DPH6: variants seen among roughly 807,000 people sequenced by gnomAD.
DPH6 encodes the protein diphthine--ammonia ligase.
Under a neutral mutation model 38.2 loss-of-function variants are expected in DPH6, and 33 were observed. That is an observed-to-expected ratio of 0.86 (90% CI 0.65 to 1.15). The LOEUF (loss-of-function observed/expected upper bound fraction) is 1.15. DPH6 is among the 50% of genes most tolerant of loss of function. DPH6 has a pLI of 0.00. For synonymous variants in DPH6, 108 were observed against 103.0 expected, an observed-to-expected ratio of 1.05 and a Z score of -0.30; for missense variants, 325 against 320.0, an observed-to-expected ratio of 1.02 and a Z score of -0.12.
chr15:35,467,632 G>A (rs150018821), intron 3 of DPH6, among the ~76,000 whole-genome samples: 15 of 152,268 alleles, frequency 9.9e-5, no homozygotes, highest in Admixed American at 2.0e-4. Flanking sequence ...GCCTAACAGT[G>A]TCAAGGTTAT....
At chr15:35,398,901 C>T (rs2053181820) in intron 6 of DPH6, among the ~76,000 whole-genome samples, 1 of 152,098 alleles carries the variant, frequency 6.6e-6, no homozygotes, top group African/African-American at 2.4e-5. Flanking sequence ...AAAAACCTCA[C>T]ACATCTGGTG....
chr15:35,397,906 C>CAG (rs368062420), intron 6 of DPH6, among the ~76,000 whole-genome samples: 1 of 147,084 alleles, frequency 6.8e-6, no homozygotes. Context: ...CACACACACA[C>CAG]ACACACACAA....
rs148013089 is a variant in DPH6, at chr15:35,422,242, T to C, written c.506-11346A>G. Among the ~76,000 whole-genome samples the C allele has an allele frequency of 3.9e-4, 59 of 152,060 alleles. No homozygotes were observed. In the East Asian group the frequency reaches 0.011, roughly 29 times the overall value. On this transcript the variant is annotated intron_variant, in intron 5 of 8. Coordinates refer to ENST00000256538, the MANE Select transcript of DPH6 (RefSeq NM_080650.4). The stretch of plus-strand genomic sequence containing the variant: ...CATGAATCATCAGAGAAGAGTTATC[T>C]AATTAGATTTTGGTATATAGAAACA...
chr15:35,179,202 G>GTC, the DPH6 span, among the ~76,000 whole-genome samples: 1,644 of 91,808 alleles, frequency 0.018, 74 homozygotes, highest in East Asian at 0.068. Context: ...GCACAACTCT[G>GTC]TCAAAAAAAA....
At chr15:35,369,573 A>T (rs1260065576), downstream of DPH6, among the ~76,000 whole-genome samples, 1 of 151,300 alleles carries the variant, frequency 6.6e-6, no homozygotes, top group Non-Finnish European at 1.5e-5. Context: ...AGGCATATCA[A>T]CTAACTCTGA....
chr15:35,190,320 G>A, the DPH6 span, among the ~76,000 whole-genome samples: 1 of 152,228 alleles, frequency 6.6e-6, no homozygotes, highest in Non-Finnish European at 1.5e-5. Flanking sequence ...CGGAAGACCG[G>A]AGTTTTATTA....
chr15:35,248,758 C>T (rs2051652453), intron 3 of DPH6, among the ~76,000 whole-genome samples: 1 of 152,062 alleles, frequency 6.6e-6, no homozygotes, highest in African/African-American at 2.4e-5. Context: ...CTCTCTGTCC[C>T]CACACTATAA....
At chr15:35,390,706 G>A (rs1160389146) in intron 6 of DPH6, among the ~76,000 whole-genome samples, 2 of 152,096 alleles carry the variant, frequency 1.3e-5, no homozygotes, top group African/African-American at 2.4e-5. Flanking sequence ...GTCCTTTAAG[G>A]ACTTCTCTGC....
At chr15:35,414,599 A>C (rs2053413000) in intron 5 of DPH6, among the ~76,000 whole-genome samples, 1 of 151,684 alleles carries the variant, frequency 6.6e-6, no homozygotes, top group South Asian at 2.1e-4. Flanking sequence ...TTTTCCTTGA[A>C]ACACCTATTA....
At chr15:35,520,811 A>G (rs2141236186) in intron 3 of DPH6, 1 of 985,044 alleles carries the variant, frequency 1.0e-6, no homozygotes, top group South Asian at 4.7e-5. Flanking sequence ...CATATCACAT[A>G]TTGGATAAAT....
chr15:35,283,026 T>C lies in DPH6; in HGVS notation n.201-62444A>G, dbSNP rs531871269. The C allele has an allele frequency of 2.0e-4, 40 of 204,650 alleles. 1 individual carries two copies. Among genetic ancestry groups the C allele is most frequent in the African/African-American group, 8.6e-4 (36 of 41,924 alleles). 12.7% of individuals were successfully genotyped at this position (204,650 alleles called of 1,614,324 possible). On this transcript the variant is annotated intron_variant and non_coding_transcript_variant, in intron 3 of 3. Transcript: ENST00000560386. The stretch of plus-strand genomic sequence containing the variant: ...CTTCTTCTTCTTCCTCTTCCTCTTC[T>C]TCCTTCTTCTTCTTCTTCTTCCTTC...
chr15:35,284,184 T>C (rs182067924), intron 3 of DPH6, among the ~76,000 whole-genome samples: 5 of 152,320 alleles, frequency 3.3e-5, no homozygotes, highest in African/African-American at 1.2e-4. Context: ...CCCCATACTT[T>C]CAGAAACTTT....
intron 3 of DPH6, among the ~76,000 whole-genome samples, chr15:35,485,452 G>A (rs1305298327): frequency 3.3e-5 from 5 of 152,168 alleles, no homozygotes; most frequent in South Asian, 2.1e-4. Flanking sequence ...TTTATTCTAC[G>A]GTTCACCCCT....
chr15:35,521,562 G>C, intron 3 of DPH6: 3 of 1,225,538 alleles, frequency 2.4e-6, no homozygotes, highest in Admixed American at 4.2e-5. Flanking sequence ...AAAGTGTCAT[G>C]AACTGTGAGA....
intron 3 of DPH6, among the ~76,000 whole-genome samples, chr15:35,471,150 T>C (rs1480476138): frequency 6.6e-6 from 1 of 152,180 alleles, no homozygotes; most frequent in Admixed American, 6.5e-5. Context: ...TGCTCAATCA[T>C]AAAGAGCAAT....
chr15:35,228,684 T>G (rs1010957783), intron 3 of DPH6, among the ~76,000 whole-genome samples: 1 of 152,206 alleles, frequency 6.6e-6, no homozygotes, highest in Non-Finnish European at 1.5e-5. Context: ...TTATTGCTCA[T>G]TAACGCCCTT....
At chr15:35,265,813 T>C (rs1348359276) in intron 3 of DPH6, among the ~76,000 whole-genome samples, 1 of 152,222 alleles carries the variant, frequency 6.6e-6, no homozygotes, top group Non-Finnish European at 1.5e-5. Flanking sequence ...AAAAAGTCTT[T>C]CTTTTATATC....
chr15:35,451,918 G>C (rs1277497670), intron 4 of DPH6, among the ~76,000 whole-genome samples: 1 of 152,206 alleles, frequency 6.6e-6, no homozygotes, highest in Non-Finnish European at 1.5e-5. Flanking sequence ...GCTGAGGCAG[G>C]AGAATGGCGT....
intron 7 of DPH6, among the ~76,000 whole-genome samples, chr15:35,375,329 T>C (rs1022671363): frequency 4.6e-5 from 7 of 152,126 alleles, no homozygotes; most frequent in Non-Finnish European, 8.8e-5. Context: ...TAATTTCTAA[T>C]TGACTAACAT....
Sources: allele counts gnomAD v4.1 joint callset (sites outside exome capture counted in the v4.1 genomes callset), GRCh38; gene constraint gnomAD v4.1.1; transcripts MANE v1.5; gene names NCBI Gene and HGNC (gene_info 2026-07-23, HGNC 2026-07-21).